The following MAGI1 variants were observed in gnomAD, a reference collection of about 807,000 sequenced individuals.
MAGI1 encodes the protein membrane-associated guanylate kinase, WW and PDZ domain-containing protein 1.
MAGI1 carries 58 observed loss-of-function variants against 139.9 expected under a neutral mutation model. The ratio of observed to expected loss-of-function variants is 0.41; its 90% CI spans 0.34 to 0.52. MAGI1 has a LOEUF of 0.52. Ranked by LOEUF, MAGI1 falls within the 20% of genes least tolerant of loss-of-function variation. MAGI1 has a pLI of 0.12. For missense variants in MAGI1, 1,874 were observed against 1,901.6 expected (o/e 0.99, Z 0.27); for synonymous variants, 812 against 737.9 (o/e 1.10, Z -1.63).
rs1024754180 is a variant in MAGI1, at chr3:65,376,236, T to A, written c.2996-291A>T. Among the ~76,000 whole-genome samples the A allele has an allele frequency of 2.0e-5, 3 of 152,312 alleles. 1 individual carries two copies. Among genetic ancestry groups the A allele is most frequent in the Middle Eastern group, 3.4e-3 (1 of 294 alleles). ...CTTAAACCAATTACAAAATTTGGGA[T>A]AGTTGGCAACTTCAAAGATTTTTAA... On this transcript the variant is annotated intron_variant, in intron 17 of 22. Transcript: ENST00000402939.
intron 3 of MAGI1, among the ~76,000 whole-genome samples, chr3:65,489,055 C>T (rs1006026090): frequency 5.3e-5 from 8 of 152,056 alleles, no homozygotes; most frequent in African/African-American, 1.9e-4. Flanking sequence ...GAATCTGAAT[C>T]CCAGCTCTAT....
At chr3:65,829,089 C>T (rs1401625878) in intron 1 of MAGI1, among the ~76,000 whole-genome samples, 1 of 152,214 alleles carries the variant, frequency 6.6e-6, no homozygotes, top group Non-Finnish European at 1.5e-5. Context: ...CTTTCAACAC[C>T]TTGATTTTAG....
chr3:65,800,335 G>A (rs891181127), intron 1 of MAGI1, among the ~76,000 whole-genome samples: 1 of 152,200 alleles, frequency 6.6e-6, no homozygotes, highest in African/African-American at 2.4e-5. Context: ...GGGGTGGCAT[G>A]TTAAATATTA....
intron 2 of MAGI1, among the ~76,000 whole-genome samples, chr3:65,508,736 C>G (rs1322174025): frequency 6.6e-6 from 1 of 152,120 alleles, no homozygotes; most frequent in Non-Finnish European, 1.5e-5. Context: ...GAAATGGATA[C>G]CTTTGTTGTG....
At chr3:65,519,160 G>A (rs577258309) in intron 2 of MAGI1, among the ~76,000 whole-genome samples, 1 of 151,990 alleles carries the variant, frequency 6.6e-6, no homozygotes, top group Admixed American at 6.6e-5. Flanking sequence ...ATTAGGTTAG[G>A]GCAAACATAA....
chr3:65,688,240 C>T, intron 1 of MAGI1: 1 of 818,382 alleles, frequency 1.2e-6, no homozygotes, highest in Non-Finnish European at 2.1e-6. Flanking sequence ...TGCTACACAG[C>T]CCAGACTCTG....
Position 65,391,361 on chromosome 3 carries a change from G to A in MAGI1, c.2200-3C>T, listed in dbSNP as rs767620399. 1.9e-6 allele frequency: 3 copies of A among 1,613,374 alleles called. No individual in the cohort carries two copies. Among genetic ancestry groups the A allele is most frequent in the Non-Finnish European group, 2.5e-6 (3 of 1,179,350 alleles). ...CTGTCTTTCCTTTCCAGTGGTTGCTGAAAGTAAGCAAGTGAGAGGGGCAAG... is the reference window on the plus strand; with the variant it reads ...CTGTCTTTCCTTTCCAGTGGTTGCTAAAAGTAAGCAAGTGAGAGGGGCAAG... On this transcript the variant is annotated splice_polypyrimidine_tract_variant and splice_region_variant and intron_variant, in intron 13 of 22. Coordinates refer to ENST00000402939, the MANE Select transcript of MAGI1 (RefSeq NM_001033057.2).
intron 1 of MAGI1, among the ~76,000 whole-genome samples, chr3:65,932,657 G>A (rs2062858465): frequency 1.3e-5 from 2 of 152,264 alleles, no homozygotes; most frequent in Admixed American, 6.5e-5. Context: ...GAAACTCTCT[G>A]TGACTAAAGC....
At chr3:65,438,940 T>G (rs772309317) in intron 9 of MAGI1, among the ~76,000 whole-genome samples, 1 of 152,242 alleles carries the variant, frequency 6.6e-6, no homozygotes, top group Non-Finnish European at 1.5e-5. Context: ...TCTGGCTGTT[T>G]AGAGAAAAAG....
intron 1 of MAGI1, among the ~76,000 whole-genome samples, chr3:65,793,816 T>G (rs1034829523): frequency 5.9e-5 from 9 of 152,214 alleles, no homozygotes; most frequent in Non-Finnish European, 2.9e-5. Context: ...GAAAATATAT[T>G]GCACAGCTAT....
At chr3:65,663,080 C>T (rs527700976) in intron 1 of MAGI1, among the ~76,000 whole-genome samples, 16 of 152,190 alleles carry the variant, frequency 1.1e-4, no homozygotes, top group South Asian at 8.3e-4. Context: ...TACATATGTC[C>T]ACGATGTTTT....
intron 2 of MAGI1, among the ~76,000 whole-genome samples, chr3:65,520,031 G>GA: frequency 6.6e-6 from 1 of 152,210 alleles, no homozygotes. Flanking sequence ...CCCACAAGGA[G>GA]AAAAAAGGAG....
intron 1 of MAGI1, chr3:65,844,419 G>A: frequency 2.9e-6 from 1 of 339,464 alleles, no homozygotes. Context: ...AGAAACTGAA[G>A]AAACAAAAAC....
intron 1 of MAGI1, among the ~76,000 whole-genome samples, chr3:66,003,260 C>T (rs759704224): frequency 6.6e-6 from 1 of 152,078 alleles, no homozygotes; most frequent in African/African-American, 2.4e-5. Context: ...ACCAGCCATT[C>T]GCCACCACCT....
At chr3:65,950,083 AAAAAAAC>A (rs2063746274) in intron 1 of MAGI1, among the ~76,000 whole-genome samples, 5 of 74,846 alleles carry the variant, frequency 6.7e-5, no homozygotes, top group Middle Eastern at 5.5e-3. Context: ...AAAAACAAAA[AAAAAAAC>A]AAACAAAAAA....
intron 2 of MAGI1, among the ~76,000 whole-genome samples, chr3:65,508,933 T>C (rs1394749131): frequency 2.6e-5 from 4 of 152,222 alleles, no homozygotes; most frequent in African/African-American, 9.6e-5. Flanking sequence ...GCAATCTTTA[T>C]TTCCTCCATT....
intron 1 of MAGI1, among the ~76,000 whole-genome samples, chr3:66,012,050 C>G (rs1447846799): frequency 6.6e-6 from 1 of 152,006 alleles, no homozygotes; most frequent in Non-Finnish European, 1.5e-5. Context: ...ACAACCTTGT[C>G]TATATCGATT....
chr3:65,733,057 TTTTG>T (rs997810910), intron 1 of MAGI1, among the ~76,000 whole-genome samples: 65 of 151,546 alleles, frequency 4.3e-4, no homozygotes, highest in African/African-American at 1.5e-3. Flanking sequence ...GGTTTTTTGT[TTTTG>T]TTTGTTTTTT....
intron 1 of MAGI1, among the ~76,000 whole-genome samples, chr3:65,922,266 A>G (rs2062244751): frequency 6.6e-6 from 1 of 152,196 alleles, no homozygotes; most frequent in Admixed American, 6.5e-5. Context: ...CCGGGGTTGA[A>G]TAGCATCCCC....
Sources: gnomAD v4.1 joint callset for allele counts (sites outside exome capture counted in the v4.1 genomes callset) on GRCh38, gnomAD v4.1.1 for gene constraint, MANE v1.5 for transcripts, NCBI Gene and HGNC (gene_info 2026-07-23, HGNC 2026-07-21) for gene names.